RECK: variants seen among roughly 807,000 people sequenced by gnomAD.
The protein encoded by RECK is reversion-inducing cysteine-rich protein with Kazal motifs.
In RECK, 69 loss-of-function variants were observed where a neutral mutation model predicts 115.1. The observed-to-expected ratio is 0.60, with a 90% CI of 0.49 to 0.73. The LOEUF (loss-of-function observed/expected upper bound fraction) is 0.73. RECK is among the 30% of genes least tolerant of loss of function. RECK has a pLI of 0.00. For missense variants in RECK, 1,047 were observed against 1,203.7 expected, an observed-to-expected ratio of 0.87 and a Z score of 1.93; for synonymous variants, 414 against 419.7, an observed-to-expected ratio of 0.99 and a Z score of 0.17.
intron 2 of RECK, chr9:36,057,151 TAAAAA>T: frequency 6.4e-6 from 1 of 155,274 alleles, no homozygotes; most frequent in Non-Finnish European, 1.2e-5. Context: ...CAGCATCAAT[TAAAAA>T]AAAAAAAAAA....
chr9:36,055,199 G>A (rs1821475309), intron 2 of RECK, among the ~76,000 whole-genome samples: 1 of 152,080 alleles, frequency 6.6e-6, no homozygotes. Flanking sequence ...TTTTAAGTGT[G>A]ATTACTAGTT....
At position 36,058,808 on chromosome 9, in the gene RECK, T is replaced by A; in HGVS notation, c.160-19T>A. The A allele has an allele frequency of 7.6e-6, 12 of 1,574,074 alleles. No homozygotes were observed. The highest frequency in any genetic ancestry group is 9.5e-6 in the Non-Finnish European group (11 of 1,159,374). ...TTATAGAAAAATGCCACAAAAACTT[T>A]TTTTTTTTTGTCAAATAGATTTTCT... is the stretch of plus-strand genomic sequence containing the variant. On this transcript the variant is annotated intron_variant, in intron 2 of 20. Transcript: ENST00000377966.
At chr9:36,078,763 G>A (rs998875349) in intron 6 of RECK, among the ~76,000 whole-genome samples, 1 of 152,076 alleles carries the variant, frequency 6.6e-6, no homozygotes, top group African/African-American at 2.4e-5. Flanking sequence ...CCAAACCAAA[G>A]GGAACAAAGA....
At chr9:36,090,488 T>A (rs1000893971) in intron 9 of RECK, among the ~76,000 whole-genome samples, 5 of 152,148 alleles carry the variant, frequency 3.3e-5, no homozygotes, top group African/African-American at 1.2e-4. Flanking sequence ...ATATGAAAAT[T>A]TTATTGTAAA....
chr9:36,073,683 C>T (rs751168176), intron 6 of RECK, among the ~76,000 whole-genome samples: 2 of 152,200 alleles, frequency 1.3e-5, no homozygotes, highest in Admixed American at 6.5e-5. Flanking sequence ...AGCTCATGCT[C>T]CTCAGCCCAG....
At chr9:36,049,564 G>A (rs1219308728) in intron 1 of RECK, among the ~76,000 whole-genome samples, 1 of 152,104 alleles carries the variant, frequency 6.6e-6, no homozygotes, top group East Asian at 1.9e-4. Flanking sequence ...CACATTCAAA[G>A]CTGGGCCTGG....
chr9:36,118,469 G>A (rs779109899), intron 17 of RECK, among the ~76,000 whole-genome samples: 1 of 152,174 alleles, frequency 6.6e-6, no homozygotes, highest in Non-Finnish European at 1.5e-5. Context: ...GCAGAGAGAG[G>A]TAGCAGGAAA....
intron 5 of RECK, 106 bp downstream of exon 5, chr9:36,063,986 G>T: frequency 9.9e-7 from 1 of 1,013,720 alleles, no homozygotes; most frequent in South Asian, 1.4e-5. Flanking sequence ...GAGGTAACCC[G>T]TAAAAACTGC....
chr9:36,117,308 C>A, intron 17 of RECK, 131 bp downstream of exon 17: 1 of 674,464 alleles, frequency 1.5e-6, no homozygotes, highest in South Asian at 2.4e-5. Flanking sequence ...GCACCCAGTC[C>A]TCCACTAAAA....
chr9:36,052,982 C>T (rs938936131), intron 2 of RECK, among the ~76,000 whole-genome samples: 1 of 152,034 alleles, frequency 6.6e-6, no homozygotes, highest in Admixed American at 6.5e-5. Flanking sequence ...TGATGGTGTC[C>T]TTGTTCTTAG....
intron 16 of RECK, among the ~76,000 whole-genome samples, chr9:36,112,814 A>G (rs1824113573): frequency 6.6e-6 from 1 of 152,250 alleles, no homozygotes; most frequent in South Asian, 2.1e-4. Context: ...AACAAGAGTC[A>G]TGGCTGCTGG....
chr9:36,101,494 A>C (rs1588329296), intron 11 of RECK, among the ~76,000 whole-genome samples: 1 of 152,196 alleles, frequency 6.6e-6, no homozygotes, highest in Admixed American at 6.5e-5. Context: ...AGTCCAGTCT[A>C]TTCTCTGACA....
chr9:36,066,757 C>G (rs1407442345), intron 6 of RECK: 2 of 1,268,408 alleles, frequency 1.6e-6, no homozygotes, highest in Non-Finnish European at 2.1e-6. Context: ...TGACACTGTC[C>G]ATCTTCCATA....
intron 10 of RECK, among the ~76,000 whole-genome samples, chr9:36,097,013 A>G (rs1021108969): frequency 7.9e-5 from 12 of 152,076 alleles, no homozygotes; most frequent in Admixed American, 5.9e-4. Flanking sequence ...AAAAAGTAAA[A>G]CAACTCAATT....
Position 36,083,512 on chromosome 9 carries a change from A to C in RECK, c.587A>C (p.His196Pro). 1 of 1,614,006 alleles carries C rather than the reference A, an allele frequency of 6.2e-7. No homozygotes were observed. Among genetic ancestry groups the C allele is most frequent in the Middle Eastern group, 1.6e-4 (1 of 6,062 alleles). Residue 196 changes from histidine (H) to proline (P), a missense_variant, in exon 8 of 21, where the codon CAT (histidine) becomes CCT (proline). Transcript: ENST00000377966. ...YCASISPQLIHCVNNYTQSYP... is the reference protein window; with the variant it reads ...YCASISPQLIPCVNNYTQSYP... ...GCCTCTATTAGTCCACAATTAATAC[A>C]TTGTGTGAACAATTATACTCAATCT...
intron 6 of RECK, 30 bp from the exon 7 acceptor site, chr9:36,080,575 T>C: frequency 6.4e-7 from 1 of 1,563,964 alleles, no homozygotes; most frequent in African/African-American, 1.4e-5. Context: ...GTTGTTAATT[T>C]CTGTTTATTT....
intron 4 of RECK, among the ~76,000 whole-genome samples, chr9:36,061,364 C>T (rs1284073854): frequency 6.8e-6 from 1 of 148,076 alleles, no homozygotes; most frequent in Non-Finnish European, 1.5e-5. Context: ...TATGCTTGTA[C>T]CCAGCATCCT....
chr9:36,121,927 G>A (rs1405099141), intron 20 of RECK, among the ~76,000 whole-genome samples: 3 of 152,198 alleles, frequency 2.0e-5, no homozygotes, highest in African/African-American at 7.2e-5. Context: ...CAGGGCAGGG[G>A]AGGGATTAAG....
At chr9:36,059,004 T>G in intron 3 of RECK, 103 bp downstream of exon 3, 2 of 674,514 alleles carry the variant, frequency 3.0e-6, no homozygotes, top group Non-Finnish European at 4.5e-6. Flanking sequence ...TTGGAATTTG[T>G]GGTCAAAATA....
Sources: gnomAD v4.1 joint callset for allele counts (sites outside exome capture counted in the v4.1 genomes callset) on GRCh38, gnomAD v4.1.1 for gene constraint, MANE v1.5 for transcripts, NCBI Gene and HGNC (gene_info 2026-07-23, HGNC 2026-07-21) for gene names.